Variants in EXOC2 observed in about 807,000 individuals in gnomAD.
EXOC2 encodes SEC5-like 1.
A neutral mutation model predicts 131.8 loss-of-function variants in EXOC2; 70 were observed. The ratio of observed to expected loss-of-function variants is 0.53; its 90% CI spans 0.44 to 0.65. EXOC2 has a LOEUF of 0.65. Ranked by LOEUF, EXOC2 falls within the 30% of genes least tolerant of loss-of-function variation. The pLI is 0.00. For synonymous variants in EXOC2, 411 were observed against 398.4 expected (o/e 1.03, Z -0.38); for missense variants, 923 against 1,108.6 (o/e 0.83, Z 2.38).
intron 11 of EXOC2, among the ~76,000 whole-genome samples, chr6:583,500 AAGAGACCTT>A (rs1214085470): frequency 6.6e-6 from 1 of 152,178 alleles, no homozygotes. Flanking sequence ...ACACAAAAAA[AAGAGACCTT>A]AATCCAACTT....
At chr6:515,608 T>TAA (rs1368149660) in intron 23 of EXOC2, among the ~76,000 whole-genome samples, 1 of 151,360 alleles carries the variant, frequency 6.6e-6, no homozygotes, top group East Asian at 1.9e-4. Context: ...AGAGTGACCG[T>TAA]AATCATACAA....
rs560385317 is a variant in EXOC2, at chr6:595,649, T to TA, written c.1073+2371dup. ...TCCATATAGATGGTAACCCACAACA[T>TA]AAAGAATTTGTACACTCAACAAGAT... On this transcript the variant is annotated intron_variant, in intron 10 of 27. Coordinates refer to ENST00000230449, the MANE Select transcript of EXOC2 (RefSeq NM_018303.6). Among the ~76,000 whole-genome samples, 36 of 152,102 alleles carry TA rather than the reference T, an allele frequency of 2.4e-4. 1 individual carries two copies. In the South Asian group the frequency reaches 7.3e-3, roughly 31 times the overall value.
intron 21 of EXOC2, among the ~76,000 whole-genome samples, chr6:552,587 C>T (rs935429558): frequency 6.6e-6 from 1 of 151,630 alleles, no homozygotes; most frequent in Non-Finnish European, 1.5e-5. Flanking sequence ...ATTCAATCAC[C>T]CACTGGATAT....
At chr6:642,862 T>C (rs1762417142) in intron 1 of EXOC2, among the ~76,000 whole-genome samples, 2 of 151,988 alleles carry the variant, frequency 1.3e-5, no homozygotes, top group African/African-American at 2.4e-5. Flanking sequence ...TAAAGATATA[T>C]AGTTCTTTAA....
chr6:507,337 ACACACACCACAGCAGTGACCC>A (rs1764621351), intron 23 of EXOC2, among the ~76,000 whole-genome samples: 3 of 45,764 alleles, frequency 6.6e-5, no homozygotes, highest in African/African-American at 1.9e-4. Context: ...GACCCCCCCC[ACACACACCACAGCAGTGACCC>A]CACACACACA....
chr6:525,316 A>T (rs1047698056), intron 23 of EXOC2: 1 of 152,214 alleles, frequency 6.6e-6, no homozygotes, highest in African/African-American at 2.4e-5. Flanking sequence ...TTTTCTTCAC[A>T]AATTTACCCA....
chr6:688,494 C>T (rs1321044429), intron 1 of EXOC2, among the ~76,000 whole-genome samples: 1 of 152,176 alleles, frequency 6.6e-6, no homozygotes, highest in Middle Eastern at 3.2e-3. Flanking sequence ...CACAGAAGCG[C>T]CTGATAGATG....
intron 10 of EXOC2, among the ~76,000 whole-genome samples, chr6:593,563 T>C (rs1759658721): frequency 1.3e-5 from 2 of 152,164 alleles, no homozygotes; most frequent in Admixed American, 6.5e-5. Context: ...CATAGAAAAA[T>C]TTCTGTCAAA....
At chr6:606,168 C>CA (rs1339277070) in intron 7 of EXOC2, among the ~76,000 whole-genome samples, 4 of 152,068 alleles carry the variant, frequency 2.6e-5, no homozygotes, top group Non-Finnish European at 4.4e-5. Context: ...ATCACAAGGA[C>CA]AAAAAACCAA....
chr6:510,691 C>A (rs1213696839), intron 23 of EXOC2, among the ~76,000 whole-genome samples: 3 of 152,156 alleles, frequency 2.0e-5, no homozygotes, highest in Admixed American at 6.5e-5. Context: ...CATAAGATGT[C>A]ACAGAACTCA....
chr6:635,011 T>C (rs1762036296), intron 2 of EXOC2, among the ~76,000 whole-genome samples: 1 of 152,246 alleles, frequency 6.6e-6, no homozygotes, highest in Non-Finnish European at 1.5e-5. Context: ...GCTTAATTAT[T>C]GACAGTAGGT....
chr6:585,338 G>T (rs566794985), intron 11 of EXOC2, among the ~76,000 whole-genome samples: 1 of 152,162 alleles, frequency 6.6e-6, no homozygotes, highest in African/African-American at 2.4e-5. Flanking sequence ...GGAGCGTTTG[G>T]GGGTAAAGGA....
At chr6:513,891 T>C (rs1398578141) in intron 23 of EXOC2, among the ~76,000 whole-genome samples, 1 of 152,246 alleles carries the variant, frequency 6.6e-6, no homozygotes, top group Non-Finnish European at 1.5e-5. Flanking sequence ...TGTTGATGTC[T>C]CTTGCTCCAC....
chr6:584,853 C>G (rs188146909), intron 11 of EXOC2, among the ~76,000 whole-genome samples: 1 of 152,318 alleles, frequency 6.6e-6, no homozygotes, highest in African/African-American at 2.4e-5. Context: ...TAGCCTGATG[C>G]CTTCTCCCTT....
intron 16 of EXOC2, 93 bp from the exon 17 acceptor site, chr6:562,938 G>C: frequency 1.1e-6 from 1 of 874,868 alleles, no homozygotes; most frequent in Non-Finnish European, 1.6e-6. Flanking sequence ...GTTTTTCATT[G>C]TTTTATATAG....
intron 23 of EXOC2, among the ~76,000 whole-genome samples, chr6:524,589 T>C (rs1039526419): frequency 6.6e-6 from 1 of 152,180 alleles, no homozygotes; most frequent in Non-Finnish European, 1.5e-5. Flanking sequence ...GCAGGTTTCA[T>C]AAAATAAGAT....
At chr6:580,686 G>C (rs1758841089) in intron 11 of EXOC2, among the ~76,000 whole-genome samples, 2 of 152,082 alleles carry the variant, frequency 1.3e-5, no homozygotes, top group South Asian at 4.2e-4. Flanking sequence ...TTCTGTGGCA[G>C]CTCACCGAGG....
At chr6:502,494 C>T (rs1015424670) in intron 23 of EXOC2, among the ~76,000 whole-genome samples, 1 of 152,104 alleles carries the variant, frequency 6.6e-6, no homozygotes, top group Admixed American at 6.6e-5. Flanking sequence ...ACTCGGACCC[C>T]GACATCATAA....
chr6:616,081 T>A (rs192977761), intron 6 of EXOC2, among the ~76,000 whole-genome samples: 78 of 152,350 alleles, frequency 5.1e-4, no homozygotes, highest in Non-Finnish European at 9.6e-4. Flanking sequence ...CAACTTTACA[T>A]ATCAGCTCTG....
Sources: allele counts gnomAD v4.1 joint callset (sites outside exome capture counted in the v4.1 genomes callset), GRCh38; gene constraint gnomAD v4.1.1; transcripts MANE v1.5; gene names NCBI Gene and HGNC (gene_info 2026-07-23, HGNC 2026-07-21).